FAM3D: variants seen among roughly 807,000 people sequenced by gnomAD.
The protein encoded by FAM3D is FAM3 metabolism regulating signaling molecule D, also known as protein FAM3D.
FAM3D carries 26 observed loss-of-function variants against 29.8 expected under a neutral mutation model. That is an observed-to-expected ratio of 0.87 (90% CI 0.64 to 1.21). The LOEUF (loss-of-function observed/expected upper bound fraction) is 1.21. Among genes scored for constraint, FAM3D ranks in the 50% most tolerant of loss-of-function variants. The probability of loss-of-function intolerance (pLI) is 0.00; values close to 1 mark genes in which losing one functional copy is unlikely to be tolerated. For missense variants in FAM3D, 253 were observed against 290.9 expected (o/e 0.87, Z 0.95); for synonymous variants, 115 against 102.3 (o/e 1.12, Z -0.75).
At chr3:58,643,545 C>G in intron 6 of FAM3D, 117 bp downstream of exon 6, 3 of 1,117,780 alleles carry the variant, frequency 2.7e-6, no homozygotes, top group Non-Finnish European at 4.1e-6. Flanking sequence ...CTGAGCTCTA[C>G]GGGCATTCCT....
At chr3:58,641,276 C>T (rs745846426) in intron 6 of FAM3D, among the ~76,000 whole-genome samples, 6 of 152,072 alleles carry the variant, frequency 3.9e-5, no homozygotes, top group Non-Finnish European at 7.3e-5. Flanking sequence ...GGAGGTAGTT[C>T]AGGTGAATGA....
In FAM3D at chr3:58,637,127, A is replaced by T; in HGVS notation, c.458+14T>A. 1 of 1,611,802 alleles carries T rather than the reference A, an allele frequency of 6.2e-7. No individual in the cohort carries two copies. Among genetic ancestry groups the T allele is most frequent in the African/African-American group, 1.3e-5 (1 of 74,974 alleles). On this transcript the variant is annotated intron_variant, in intron 8 of 9. Transcript: ENST00000358781. The stretch of plus-strand genomic sequence containing the variant: ...CATCACTGTGTGGCCTGGCAGGTAG[A>T]GTTTTCTACTTACTTGGTCCCTGGA...
chr3:58,660,035 G>T (rs2066901835), intron 1 of FAM3D, among the ~76,000 whole-genome samples: 1 of 152,206 alleles, frequency 6.6e-6, no homozygotes. Context: ...CTTGGGCAAG[G>T]CTTCATAGCA....
intron 3 of FAM3D, 29 bp downstream of exon 3, chr3:58,653,645 T>G: frequency 6.2e-7 from 1 of 1,600,960 alleles, no homozygotes; most frequent in South Asian, 1.1e-5. Flanking sequence ...GGTCTGCAGT[T>G]CCTGCCCCCA....
intron 1 of FAM3D, among the ~76,000 whole-genome samples, chr3:58,665,196 T>C (rs1032611003): frequency 1.3e-5 from 2 of 152,096 alleles, no homozygotes; most frequent in Admixed American, 6.5e-5. Flanking sequence ...GATGCACAGA[T>C]TTGGGCAGAT....
At chr3:58,653,871 C>A in intron 2 of FAM3D, 90 bp from the exon 3 acceptor site, 1 of 958,198 alleles carries the variant, frequency 1.0e-6, no homozygotes, top group Non-Finnish European at 1.7e-6. Flanking sequence ...CCCACAGACC[C>A]CATGCTATAG....
intron 1 of FAM3D, among the ~76,000 whole-genome samples, chr3:58,663,385 G>A (rs553675345): frequency 6.6e-6 from 1 of 152,306 alleles, no homozygotes; most frequent in Admixed American, 6.5e-5. Flanking sequence ...TGCCGGGGGT[G>A]TCATGTGAGC....
chr3:58,655,423 C>G (rs1245608440), intron 2 of FAM3D, 128 bp downstream of exon 2: 1 of 1,257,576 alleles, frequency 8.0e-7, no homozygotes, highest in East Asian at 2.4e-5. Flanking sequence ...CCAGCCTCCC[C>G]TGGATTGCTT....
chr3:58,665,012 G>T (rs1444184), intron 1 of FAM3D, among the ~76,000 whole-genome samples: 2 of 152,172 alleles, frequency 1.3e-5, no homozygotes, highest in South Asian at 4.1e-4. Context: ...ATCCCCCACC[G>T]CAGGGAAGTG....
In FAM3D at chr3:58,634,532, A is replaced by G. The variant is rs780225972; in HGVS notation, c.586-164T>C. The G allele has an allele frequency of 9.2e-5, 55 of 600,530 alleles. No homozygotes were observed. Among genetic ancestry groups the G allele is most frequent in the Non-Finnish European group, 1.5e-4 (52 of 345,956 alleles). 37.2% of individuals were successfully genotyped at this position (600,530 alleles called of 1,614,324 possible). ...TCAGAGAGGGGATGCAACTTGCTCA[A>G]GATCTCAGAGATGGGATCAGAGCCC... is the stretch of plus-strand genomic sequence containing the variant. On this transcript the variant is annotated intron_variant, in intron 9 of 9. Coordinates refer to ENST00000358781, the MANE Select transcript of FAM3D (RefSeq NM_138805.3). This position sits in a 1 kb window ranked among gnomAD's most constrained non-coding sequence, Gnocchi z 4.6.
intron 3 of FAM3D, among the ~76,000 whole-genome samples, chr3:58,649,603 T>G (rs1381808254): frequency 6.6e-6 from 1 of 152,068 alleles, no homozygotes; most frequent in Non-Finnish European, 1.5e-5. Context: ...GTGACACTCA[T>G]GTATGCATAG....
chr3:58,650,437 G>T (rs1358870140), intron 3 of FAM3D, among the ~76,000 whole-genome samples: 1 of 152,166 alleles, frequency 6.6e-6, no homozygotes, highest in Non-Finnish European at 1.5e-5. Flanking sequence ...GAGAGAAAGT[G>T]CTTTTTCAGC....
At chr3:58,640,368 G>A (rs1342702818) in intron 6 of FAM3D, among the ~76,000 whole-genome samples, 191 bp from the exon 7 acceptor site, 1 of 152,230 alleles carries the variant, frequency 6.6e-6, no homozygotes, top group African/African-American at 2.4e-5. Flanking sequence ...AGAGGTTCAA[G>A]AACGTAATGG....
Position 58,645,484 on chromosome 3 carries a change from A to AATAAT in FAM3D, c.263+24_263+25insATTAT, listed in dbSNP as rs56017056. 34 of 1,502,730 alleles carry AATAAT rather than the reference A, an allele frequency of 2.3e-5. No homozygotes were observed. In the South Asian group the frequency reaches 4.4e-4, roughly 20 times the overall value. The allele number at this position is 1,502,730 out of a possible 1,614,324, so 93.1% of individuals were successfully genotyped here. A position where few individuals can be genotyped will look rare whatever the true frequency, so the allele number is the denominator to read the frequency against. On this transcript the variant is annotated intron_variant, in intron 5 of 9. Transcript: ENST00000358781. ...AATAAAATAAAATAAAATAAAATAA[A>AATAAT]CATAGTTGTGTCTTAGGTACTTACA...
chr3:58,635,511 TC>T lies in FAM3D; in HGVS notation c.585+782del, dbSNP rs1431274519. On this transcript the variant is annotated intron_variant, in intron 9 of 9. Coordinates refer to ENST00000358781, the MANE Select transcript of FAM3D (RefSeq NM_138805.3). The surrounding 1 kb of genome is among the most constrained non-coding windows in gnomAD (Gnocchi z 5.2). Reference sequence around the variant, plus strand: ...CCCACGCCTCCTCTGTCTTGCCGGTTCCCCTGGGTCTGGAGCCCACGCTTTG... The same window carrying T: ...CCCACGCCTCCTCTGTCTTGCCGGTTCCCTGGGTCTGGAGCCCACGCTTTG... Among the ~76,000 whole-genome samples the T allele has an allele frequency of 1.3e-5, 2 of 152,098 alleles. No homozygotes were observed. The highest frequency in any genetic ancestry group is 4.8e-5 in the African/African-American group (2 of 41,418).
intron 6 of FAM3D, among the ~76,000 whole-genome samples, chr3:58,642,927 C>T (rs6797262): frequency 0.43 from 66,055 of 152,038 alleles, 15,465 homozygotes; most frequent in South Asian, 0.59. Flanking sequence ...CCCTGCAAAC[C>T]TCTCTCCCTC....
chr3:58,660,719 A>G (rs1379761752), intron 1 of FAM3D, among the ~76,000 whole-genome samples: 3 of 152,160 alleles, frequency 2.0e-5, no homozygotes, highest in Admixed American at 2.0e-4. Flanking sequence ...GAAAATGTGC[A>G]GGATTTTTAG....
At position 58,648,521 on chromosome 3, in the gene FAM3D, C is replaced by T. The variant is rs9881723; in HGVS notation, c.145+794G>A. On this transcript the variant is annotated intron_variant, in intron 4 of 9. Coordinates refer to ENST00000358781, the MANE Select transcript of FAM3D (RefSeq NM_138805.3). Reference sequence around the variant, plus strand: ...GGCCAAAAGATTTCACTTCTCGGTGCCTTAGTTTCCTTACCTATAAAAGGG... The same window carrying T: ...GGCCAAAAGATTTCACTTCTCGGTGTCTTAGTTTCCTTACCTATAAAAGGG... 3.5e-3 allele frequency among the ~76,000 whole-genome samples: 536 copies of T among 152,114 alleles called. 7 individuals carry two copies. The highest frequency in any genetic ancestry group is 0.012 in the African/African-American group (516 of 41,490).
intron 6 of FAM3D, among the ~76,000 whole-genome samples, chr3:58,641,024 T>C (rs1300917483): frequency 6.6e-6 from 1 of 151,336 alleles, no homozygotes; most frequent in Non-Finnish European, 1.5e-5. Context: ...TGAATGATTC[T>C]GCAATTGGAG....
Sources: gnomAD v4.1 joint callset for allele counts (sites outside exome capture counted in the v4.1 genomes callset) on GRCh38, gnomAD v4.1.1 for gene constraint, Gnocchi (gnomAD v3.1) non-coding constraint, MANE v1.5 for transcripts, NCBI Gene and HGNC (gene_info 2026-07-23, HGNC 2026-07-21) for gene names.